ZNF286A: variants seen among roughly 807,000 people sequenced by gnomAD.
ZNF286A encodes the protein zinc finger protein ZNF286.
Under a neutral mutation model 49.3 loss-of-function variants are expected in ZNF286A, and 34 were observed. That is an observed-to-expected ratio of 0.69 (90% CI 0.52 to 0.92). ZNF286A has a LOEUF of 0.92. ZNF286A is among the 40% of genes least tolerant of loss of function. The pLI, the probability that ZNF286A is intolerant of heterozygous loss-of-function variation, is 0.00. For synonymous variants in ZNF286A, 155 were observed against 200.4 expected (o/e 0.77, Z 1.91); for missense variants, 462 against 600.2 (o/e 0.77, Z 2.41).
chr17:15,699,793 T>C lies in ZNF286A; in HGVS notation c.-196+16T>C, dbSNP rs1249911677. On this transcript the variant is annotated intron_variant, in intron 1 of 5. Coordinates refer to ENST00000583566, the MANE Select transcript of ZNF286A (RefSeq NM_001130842.2). ...GGGATGGGAGGTGAGTTGCTTGTGGTGATGTCGCTCGTCTCGGCTCGGCCT... is the reference window on the plus strand; with the variant it reads ...GGGATGGGAGGTGAGTTGCTTGTGGCGATGTCGCTCGTCTCGGCTCGGCCT... 1.4e-6 allele frequency: 1 copy of C among 702,846 alleles called. No homozygotes were observed. The highest frequency in any genetic ancestry group is 2.6e-6 in the Non-Finnish European group (1 of 384,878). 43.5% of individuals were successfully genotyped at this position (702,846 alleles called of 1,614,324 possible).
rs1288250636 is a variant in ZNF286A at position 15,719,602 on chromosome 17, G to A, written c.*2312G>A. On this transcript the variant is annotated 3_prime_UTR_variant, in exon 6 of 6. Coordinates refer to ENST00000583566, the MANE Select transcript of ZNF286A (RefSeq NM_001130842.2). ...TCTGGTATCTTCAGCCCCTTATAAG[G>A]GCACTAATCCCATTCATGAGAGCTC... The A allele has an allele frequency of 6.6e-6, 1 of 151,910 alleles. No homozygotes were observed. The highest frequency in any genetic ancestry group is 1.5e-5 in the Non-Finnish European group (1 of 68,024). The allele number at this position is 151,910 out of a possible 1,614,324, so 9.4% of individuals were successfully genotyped here.
chr17:15,702,257 G>A (rs1282768270), intron 3 of ZNF286A, among the ~76,000 whole-genome samples: 1 of 152,288 alleles, frequency 6.6e-6, no homozygotes, highest in Admixed American at 6.5e-5. Flanking sequence ...GCTCATGCCT[G>A]TAATCCCAGC....
At chr17:15,707,166 C>T (rs1990290033) in intron 4 of ZNF286A, among the ~76,000 whole-genome samples, 1 of 151,994 alleles carries the variant, frequency 6.6e-6, no homozygotes, top group Non-Finnish European at 1.5e-5. Flanking sequence ...TGAGGCCGGG[C>T]GCGGTGGCTC....
rs1967138948 is a variant in ZNF286A, at chr17:15,717,683, C to T, written c.*393C>T. The T allele has an allele frequency of 6.9e-6, 1 of 145,424 alleles. No individual in the cohort carries two copies. Among genetic ancestry groups the T allele is most frequent in the Non-Finnish European group, 1.4e-5 (1 of 73,412 alleles). 9.0% of individuals were successfully genotyped at this position (145,424 alleles called of 1,614,324 possible). The stretch of plus-strand genomic sequence containing the variant: ...GTAGGTTAGGCTGAGGGCTTACATC[C>T]TTATCATCAGGAAGACACAATGTTG... On this transcript the variant is annotated 3_prime_UTR_variant, in exon 6 of 6. Coordinates refer to ENST00000583566, the MANE Select transcript of ZNF286A (RefSeq NM_001130842.2).
chr17:15,720,155 A>G lies in ZNF286A; in HGVS notation c.*2865A>G, dbSNP rs1220443882. On this transcript the variant is annotated 3_prime_UTR_variant, in exon 6 of 6. Transcript: ENST00000583566. ...AGTTTCTTTATCTGTATTAGGTTTC[A>G]ACAAAGGGAATAAATCATTGGCTTC... The G allele has an allele frequency of 6.6e-6, 1 of 152,084 alleles. No homozygotes were observed. Among genetic ancestry groups the G allele is most frequent in the Non-Finnish European group, 1.5e-5 (1 of 68,016 alleles). 9.4% of individuals were successfully genotyped at this position (152,084 alleles called of 1,614,324 possible).
chr17:15,720,405 A>G lies in ZNF286A; in HGVS notation c.*3115A>G, dbSNP rs1343523011. The G allele has an allele frequency of 4.0e-5, 6 of 150,856 alleles. No homozygotes were observed. Among genetic ancestry groups the G allele is most frequent in the Non-Finnish European group, 8.8e-5 (6 of 67,858 alleles). The allele number at this position is 150,856 out of a possible 1,614,324, so 9.3% of individuals were successfully genotyped here. A position where few individuals can be genotyped will look rare whatever the true frequency, so the allele number is the denominator to read the frequency against. Reference sequence around the variant, plus strand: ...TGACCATCTTGTTCTGTGTCTTGTCATAAAGATGGGACGTGACTTCTTTCT... The same window carrying G: ...TGACCATCTTGTTCTGTGTCTTGTCGTAAAGATGGGACGTGACTTCTTTCT... On this transcript the variant is annotated 3_prime_UTR_variant, in exon 6 of 6. Transcript: ENST00000583566.
At chr17:15,705,990 C>G (rs1320921408) in intron 3 of ZNF286A, among the ~76,000 whole-genome samples, 1 of 152,132 alleles carries the variant, frequency 6.6e-6, no homozygotes, top group Admixed American at 6.5e-5. Flanking sequence ...GCTAGATTGA[C>G]TCTTCAATTT....
chr17:15,715,764 G>A (rs1376460252), intron 5 of ZNF286A, among the ~76,000 whole-genome samples: 3 of 152,128 alleles, frequency 2.0e-5, no homozygotes, highest in African/African-American at 7.2e-5. Context: ...CCTGATCTGT[G>A]TACTCATTGT....
At chr17:15,706,261 T>C in intron 3 of ZNF286A, 126 bp from the exon 4 acceptor site, 1 of 690,404 alleles carries the variant, frequency 1.4e-6, no homozygotes, top group Non-Finnish European at 2.6e-6. Context: ...AGAATACTTG[T>C]CATTTATCAT....
chr17:15,711,635 C>G (rs543385824), intron 5 of ZNF286A, among the ~76,000 whole-genome samples: 11 of 151,942 alleles, frequency 7.2e-5, no homozygotes, highest in South Asian at 2.1e-4. Context: ...AAATAATTAC[C>G]CTTTGTGGGA....
rs989580935 is a variant in ZNF286A at position 15,719,988 on chromosome 17, T to C, written c.*2698T>C. 2.6e-5 allele frequency: 4 copies of C among 152,232 alleles called. No homozygotes were observed. The highest frequency in any genetic ancestry group is 4.8e-5 in the African/African-American group (2 of 41,460). 9.4% of individuals were successfully genotyped at this position (152,232 alleles called of 1,614,324 possible). A position where few individuals can be genotyped will look rare whatever the true frequency, so the allele number is the denominator to read the frequency against. On this transcript the variant is annotated 3_prime_UTR_variant, in exon 6 of 6. Coordinates refer to ENST00000583566, the MANE Select transcript of ZNF286A (RefSeq NM_001130842.2). Reference sequence around the variant, plus strand: ...CAAGTTATTGAAACTTGCCAAATTCTTGAGTGAAGAGGAATTCATTTGAGA... The same window carrying C: ...CAAGTTATTGAAACTTGCCAAATTCCTGAGTGAAGAGGAATTCATTTGAGA...
At chr17:15,699,826 G>A (rs1459866714) in intron 1 of ZNF286A, 49 bp downstream of exon 1, 11 of 702,636 alleles carry the variant, frequency 1.6e-5, no homozygotes, top group African/African-American at 1.0e-4. Flanking sequence ...CCTCGGCGGT[G>A]GTTCCCCGGG....
chr17:15,702,510 C>CAAAA (rs36114462), intron 3 of ZNF286A, among the ~76,000 whole-genome samples: 1 of 101,860 alleles, frequency 9.8e-6, no homozygotes, highest in South Asian at 3.2e-4. Context: ...GAAACTGTCT[C>CAAAA]AAAAAAAAAA....
chr17:15,706,031 G>C (rs890950872), intron 3 of ZNF286A, among the ~76,000 whole-genome samples: 1 of 152,100 alleles, frequency 6.6e-6, no homozygotes, highest in South Asian at 2.1e-4. Context: ...GCATTATGTA[G>C]ACGTGACTTT....
chr17:15,711,870 C>CCCT lies in ZNF286A; in HGVS notation c.334+3623_334+3624insCCT, dbSNP rs369194562. ...ATTTATCTGTAATCTGCCCCCCCCC[C>CCCT]GGCTTTTTTTTTTTTTTTTGAGATG... On this transcript the variant is annotated intron_variant, in intron 5 of 5. Transcript: ENST00000583566. Among the ~76,000 whole-genome samples, 146 of 94,522 alleles carry CCCT rather than the reference C, an allele frequency of 1.5e-3. 1 individual carries two copies. The highest frequency in any genetic ancestry group is 3.7e-3 in the South Asian group (8 of 2,162). 62.0% of individuals were successfully genotyped at this position (94,522 alleles called of 152,430 possible). A position where few individuals can be genotyped will look rare whatever the true frequency, so the allele number is the denominator to read the frequency against.
At chr17:15,701,791 G>T (rs1475405754) in intron 3 of ZNF286A, among the ~76,000 whole-genome samples, 1 of 152,148 alleles carries the variant, frequency 6.6e-6, no homozygotes, top group African/African-American at 2.4e-5. Flanking sequence ...CTTTTATATT[G>T]TTGGCCCCTC....
At position 15,717,069 on chromosome 17, in the gene ZNF286A, C is replaced by T. The variant is rs1320754140; in HGVS notation, c.1345C>T (p.Arg449Trp). The change falls in exon 6 of 6, where the codon CGG becomes TGG. Residue 449 changes from arginine (R) to tryptophan (W), a missense_variant. Physicochemically the swap from Arg to Trp is moderately radical, Grantham distance 101. This residue lies in a region of ZNF286A where 201 missense variants were observed against 311.3 expected (regional missense o/e 0.65). Coordinates refer to ENST00000583566, the MANE Select transcript of ZNF286A (RefSeq NM_001130842.2). ...TAATGAATGTGGGAAAACCTTCAGC[C>T]GGAGCTCCAATTTTGCTAAACATCA... ...ECNECGKTFS[R>W]SSNFAKHQRI... 9 of 1,613,920 alleles carry T rather than the reference C, an allele frequency of 5.6e-6. No homozygotes were observed. Among genetic ancestry groups the T allele is most frequent in the Middle Eastern group, 1.6e-4 (1 of 6,082 alleles).
rs932534873 is a variant in ZNF286A, at chr17:15,718,624, A to G, written c.*1334A>G. On this transcript the variant is annotated 3_prime_UTR_variant, in exon 6 of 6. Transcript: ENST00000583566. Reference sequence around the variant, plus strand: ...GAGTGGAAAACAAGGCACGGAAAATAGCTCACAGGATAGTCCTCAACTGAC... The same window carrying G: ...GAGTGGAAAACAAGGCACGGAAAATGGCTCACAGGATAGTCCTCAACTGAC... 2 of 151,480 alleles carry G rather than the reference A, an allele frequency of 1.3e-5. No homozygotes were observed. Among genetic ancestry groups the G allele is most frequent in the Non-Finnish European group, 2.9e-5 (2 of 67,968 alleles). The allele number at this position is 151,480 out of a possible 1,614,324, so 9.4% of individuals were successfully genotyped here. A position where few individuals can be genotyped will look rare whatever the true frequency, so the allele number is the denominator to read the frequency against.
At position 15,716,348 on chromosome 17, in the gene ZNF286A, C is replaced by A; in HGVS notation, c.624C>A (p.Asp208Glu). 3.1e-6 allele frequency: 5 copies of A among 1,613,870 alleles called. No individual in the cohort carries two copies. The highest frequency in any genetic ancestry group is 4.2e-6 in the Non-Finnish European group (5 of 1,179,870). Residue 208 changes from aspartate (D) to glutamate (E), a missense_variant, in exon 6 of 6, where the codon GAC (aspartate) becomes GAA (glutamate). Transcript: ENST00000583566. ...AGAAATCTGTCCTTATCACTGAAGA[C>A]AGAGTTCCCAAAGGATCTTATGCCT... ...FNQKSVLITE[D>E]RVPKGSYAFH...
Sources: gnomAD v4.1 joint callset for allele counts (sites outside exome capture counted in the v4.1 genomes callset) on GRCh38, gnomAD v4.1.1 for gene constraint, gnomAD v4.1.1 regional missense constraint, MANE v1.5 for transcripts, NCBI Gene and HGNC (gene_info 2026-07-23, HGNC 2026-07-21) for gene names.